Variants in MMAB observed in about 807,000 individuals in gnomAD.
The protein encoded by MMAB is metabolism of cobalamin associated B.
Under a neutral mutation model 30.6 loss-of-function variants are expected in MMAB, and 17 were observed. The ratio of observed to expected loss-of-function variants is 0.56; its 90% CI spans 0.38 to 0.83. The LOEUF (loss-of-function observed/expected upper bound fraction) is 0.83, where lower values mean the gene tolerates loss of function less well. Among genes scored for constraint, MMAB ranks in the 40% least tolerant of loss-of-function variants. MMAB has a pLI of 0.00. For missense variants in MMAB, 311 were observed against 331.6 expected, an observed-to-expected ratio of 0.94 and a Z score of 0.48; for synonymous variants, 134 against 138.6, an observed-to-expected ratio of 0.97 and a Z score of 0.23.
rs1449777116 is a variant in MMAB at position 109,561,912 on chromosome 12, T to C, written c.349-60A>G. On this transcript the variant is annotated intron_variant, in intron 4 of 8. Transcript: ENST00000545712. This position sits in a 1 kb window ranked among gnomAD's most constrained non-coding sequence, Gnocchi z 5.3. Reference sequence around the variant, plus strand: ...TGTGAGATGGGCTGGACAGAGACAATGTGCAGAGGCGCCACCTAATACGCC... The same window carrying C: ...TGTGAGATGGGCTGGACAGAGACAACGTGCAGAGGCGCCACCTAATACGCC... 6.8e-6 allele frequency: 10 copies of C among 1,475,452 alleles called. No homozygotes were observed. The highest frequency in any genetic ancestry group is 1.4e-5 in the African/African-American group (1 of 71,740). The allele number at this position is 1,475,452 out of a possible 1,614,324, so 91.4% of individuals were successfully genotyped here. A position where few individuals can be genotyped will look rare whatever the true frequency, so the allele number is the denominator to read the frequency against.
At chr12:109,564,304 T>C (rs987745820) in intron 4 of MMAB, among the ~76,000 whole-genome samples, 1 of 151,820 alleles carries the variant, frequency 6.6e-6, no homozygotes, top group Non-Finnish European at 1.5e-5. Flanking sequence ...TTAAATTCCC[T>C]CATTTAGTAC....
chr12:109,560,970 T>TGGGGCGGC, intron 7 of MMAB, 70 bp downstream of exon 7: 1 of 808,206 alleles, frequency 1.2e-6, no homozygotes. Flanking sequence ...CTCCTCTCCC[T>TGGGGCGGC]CTCCCTCCCC....
chr12:109,559,032 G>A (rs939249675), intron 8 of MMAB, 64 bp downstream of exon 8: 25 of 1,274,542 alleles, frequency 2.0e-5, no homozygotes, highest in African/African-American at 2.9e-5. Flanking sequence ...CCGCTGCACC[G>A]CTGCTACTTC....
chr12:109,559,165 G>C lies in MMAB; in HGVS notation c.585-10C>G, dbSNP rs375474421. ...GACAAGAGGCACCACACTAGAAAGG[G>C]AGGAGACACTGAGTCACGTGACATT... is the stretch of plus-strand genomic sequence containing the variant. On this transcript the variant is annotated splice_polypyrimidine_tract_variant and intron_variant, in intron 7 of 8. Coordinates refer to ENST00000545712, the MANE Select transcript of MMAB (RefSeq NM_052845.4). 6.2e-7 allele frequency: 1 copy of C among 1,611,040 alleles called. No homozygotes were observed. The highest frequency in any genetic ancestry group is 8.5e-7 in the Non-Finnish European group (1 of 1,177,390).
intron 1 of MMAB, among the ~76,000 whole-genome samples, chr12:109,572,793 A>G (rs1398315574): frequency 1.3e-5 from 2 of 152,208 alleles, no homozygotes; most frequent in Non-Finnish European, 2.9e-5. Context: ...TGAGGCTTCG[A>G]GTGTACTCAG....
chr12:109,556,865 G>C lies in MMAB; in HGVS notation c.*163C>G, dbSNP rs773600457. 1 of 689,134 alleles carries C rather than the reference G, an allele frequency of 1.5e-6. No individual in the cohort carries two copies. Among genetic ancestry groups the C allele is most frequent in the South Asian group, 1.5e-5 (1 of 66,646 alleles). 42.7% of individuals were successfully genotyped at this position (689,134 alleles called of 1,614,324 possible). On this transcript the variant is annotated 3_prime_UTR_variant, in exon 9 of 9. Transcript: ENST00000545712. ...AATCCCCAAAGGGTCACAGTCCCTT[G>C]AGGAAGGTGGCAAGAGGTGTAGATC... is the stretch of plus-strand genomic sequence containing the variant.
chr12:109,566,950 G>C (rs1300385008), intron 3 of MMAB: 1 of 455,650 alleles, frequency 2.2e-6, no homozygotes, highest in East Asian at 6.9e-5. Context: ...GGGTTTGTTT[G>C]CCTTCTCTAC....
Position 109,555,265 on chromosome 12 carries a change from C to T in MMAB, c.*1763G>A, listed in dbSNP as rs1484149807. ...CTCCCTGACCGAGCCTTAGTGATTG[C>T]GTTTTCAGGGTTTTTTTTTTTTTTT... On this transcript the variant is annotated 3_prime_UTR_variant, in exon 9 of 9. Transcript: ENST00000545712. The T allele has an allele frequency of 2.6e-6, 1 of 385,504 alleles. No homozygotes were observed. The highest frequency in any genetic ancestry group is 4.9e-6 in the Non-Finnish European group (1 of 202,544). The allele number at this position is 385,504 out of a possible 1,614,324, so 23.9% of individuals were successfully genotyped here. A position where few individuals can be genotyped will look rare whatever the true frequency, so the allele number is the denominator to read the frequency against.
Position 109,569,859 on chromosome 12 carries a change from T to C in MMAB, c.197-996A>G, listed in dbSNP as rs143627579. On this transcript the variant is annotated intron_variant, in intron 2 of 8. Coordinates refer to ENST00000545712, the MANE Select transcript of MMAB (RefSeq NM_052845.4). This position sits in a 1 kb window ranked among gnomAD's most constrained non-coding sequence, Gnocchi z 4.1. ...ACGACTGTGTCCAAACTCCAAAAGA[T>C]GACCAAACCTCCCCCTTCCCTGGCT... is the stretch of plus-strand genomic sequence containing the variant. The C allele has an allele frequency of 2.7e-3, 431 of 159,542 alleles. 4 individuals carry two copies. The highest frequency in any genetic ancestry group is 0.01 in the African/African-American group (419 of 41,630). 9.9% of individuals were successfully genotyped at this position (159,542 alleles called of 1,614,324 possible). A position where few individuals can be genotyped will look rare whatever the true frequency, so the allele number is the denominator to read the frequency against.
At chr12:109,560,847 G>A (rs567194706) in intron 7 of MMAB, among the ~76,000 whole-genome samples, 193 bp downstream of exon 7, 38 of 152,278 alleles carry the variant, frequency 2.5e-4, no homozygotes, top group East Asian at 7.7e-4. Flanking sequence ...TGGCACAGTG[G>A]AGGGGCCCAG....
intron 2 of MMAB, 52 bp downstream of exon 2, chr12:109,571,597 A>G: frequency 6.6e-7 from 1 of 1,518,168 alleles, no homozygotes; most frequent in Non-Finnish European, 9.2e-7. Context: ...GAACTTTAAA[A>G]TGGTGTATGC....
chr12:109,561,576 G>T lies in MMAB; in HGVS notation c.422-59C>A, dbSNP rs544266115. ...AGGCCATCACCCACCAGACCATGGCGGGAACCACCCCCGCCGCCCTTCCAC... is the reference window on the plus strand; with the variant it reads ...AGGCCATCACCCACCAGACCATGGCTGGAACCACCCCCGCCGCCCTTCCAC... On this transcript the variant is annotated intron_variant, in intron 5 of 8. Transcript: ENST00000545712. This position sits in a 1 kb window ranked among gnomAD's most constrained non-coding sequence, Gnocchi z 5.3. 2.8e-6 allele frequency: 4 copies of T among 1,446,552 alleles called. No individual in the cohort carries two copies. The highest frequency in any genetic ancestry group is 2.2e-4 in the Middle Eastern group (1 of 4,584). 89.6% of individuals were successfully genotyped at this position (1,446,552 alleles called of 1,614,324 possible).
At chr12:109,563,502 G>C (rs1055970532) in intron 4 of MMAB, among the ~76,000 whole-genome samples, 2 of 152,264 alleles carry the variant, frequency 1.3e-5, no homozygotes, top group Non-Finnish European at 2.9e-5. Context: ...TGCCAAGGCT[G>C]GGTGGGAGGT....
intron 2 of MMAB, among the ~76,000 whole-genome samples, chr12:109,571,436 G>C (rs1373513010): frequency 6.6e-6 from 1 of 152,068 alleles, no homozygotes; most frequent in Non-Finnish European, 1.5e-5. Flanking sequence ...ATTTTTAGTA[G>C]AGATGGGGTT....
chr12:109,559,717 C>G (rs1884124150), intron 7 of MMAB, among the ~76,000 whole-genome samples: 2 of 152,212 alleles, frequency 1.3e-5, no homozygotes, highest in African/African-American at 4.8e-5. Context: ...GGTGGCGGGC[C>G]CTTGCCGAGC....
rs776752674 is a variant in MMAB at position 109,558,302 on chromosome 12, T to C, written c.644+794A>G. Among the ~76,000 whole-genome samples the C allele has an allele frequency of 1.3e-5, 2 of 151,984 alleles. No homozygotes were observed. Among genetic ancestry groups the C allele is most frequent in the Non-Finnish European group, 2.9e-5 (2 of 67,984 alleles). On this transcript the variant is annotated intron_variant, in intron 8 of 8. Transcript: ENST00000545712. The surrounding 1 kb of genome is among the most constrained non-coding windows in gnomAD (Gnocchi z 4.3). ...CAGGGTTGCTGCTTTGAAGGTGAAG[T>C]AGACCTGCTCCTCACTCCCGGCGAA...
Position 109,558,455 on chromosome 12 carries a change from C to T in MMAB, c.644+641G>A, listed in dbSNP as rs1884061438. ...CCAGGACAGCTCCTGGGGTGCAGAC[C>T]TGCTCCCCCAGCTCTCTACCTGCCC... On this transcript the variant is annotated intron_variant, in intron 8 of 8. Transcript: ENST00000545712. The surrounding 1 kb of genome is among the most constrained non-coding windows in gnomAD (Gnocchi z 4.3). 6.6e-6 allele frequency among the ~76,000 whole-genome samples: 1 copy of T among 152,162 alleles called. No homozygotes were observed. The highest frequency in any genetic ancestry group is 1.5e-5 in the Non-Finnish European group (1 of 68,022).
chr12:109,561,962 A>C lies in MMAB; in HGVS notation c.349-110T>G. The C allele has an allele frequency of 3.3e-6, 3 of 911,406 alleles. No individual in the cohort carries two copies. Among genetic ancestry groups the C allele is most frequent in the Non-Finnish European group, 5.2e-6 (3 of 574,076 alleles). 56.5% of individuals were successfully genotyped at this position (911,406 alleles called of 1,614,324 possible). A position where few individuals can be genotyped will look rare whatever the true frequency, so the allele number is the denominator to read the frequency against. ...CGGCAAAGCCTGTGCCAGCTAGCTCATGAAGGGCTGTGATATGGTTTGGCA... is the reference window on the plus strand; with the variant it reads ...CGGCAAAGCCTGTGCCAGCTAGCTCCTGAAGGGCTGTGATATGGTTTGGCA... On this transcript the variant is annotated intron_variant, in intron 4 of 8. Transcript: ENST00000545712. This position sits in a 1 kb window ranked among gnomAD's most constrained non-coding sequence, Gnocchi z 5.3.
chr12:109,554,954 C>G lies in MMAB; in HGVS notation c.*2074G>C, dbSNP rs1398372560. The G allele has an allele frequency of 2.2e-6, 1 of 453,974 alleles. No homozygotes were observed. Among genetic ancestry groups the G allele is most frequent in the Non-Finnish European group, 4.4e-6 (1 of 226,816 alleles). 28.1% of individuals were successfully genotyped at this position (453,974 alleles called of 1,614,324 possible). On this transcript the variant is annotated 3_prime_UTR_variant, in exon 9 of 9. Coordinates refer to ENST00000545712, the MANE Select transcript of MMAB (RefSeq NM_052845.4). ...TTGCTGGTGAACCGGGAGACAGATA[C>G]AGAGGCGGGGGTCTGAGAACGCGAC...
Sources: gnomAD v4.1 joint callset for allele counts (sites outside exome capture counted in the v4.1 genomes callset) on GRCh38, gnomAD v4.1.1 for gene constraint, Gnocchi (gnomAD v3.1) non-coding constraint, MANE v1.5 for transcripts, NCBI Gene and HGNC (gene_info 2026-07-23, HGNC 2026-07-21) for gene names.